ARHGAP26: variants seen among roughly 807,000 people sequenced by gnomAD.
The protein encoded by ARHGAP26 is rho GTPase-activating protein 26.
A neutral mutation model predicts 104.8 loss-of-function variants in ARHGAP26; 38 were observed. The observed-to-expected ratio is 0.36, with a 90% CI of 0.28 to 0.48. ARHGAP26 has a LOEUF of 0.48. Ranked by LOEUF, ARHGAP26 falls within the 20% of genes least tolerant of loss-of-function variation. ARHGAP26 has a pLI of 0.99. For missense variants in ARHGAP26, 704 were observed against 947.9 expected (o/e 0.74, Z 3.38); for synonymous variants, 341 against 340.0 (o/e 1.00, Z -0.03).
intron 1 of ARHGAP26, among the ~76,000 whole-genome samples, chr5:142,848,531 T>C (rs1390786660): frequency 6.6e-6 from 1 of 152,196 alleles, no homozygotes; most frequent in Non-Finnish European, 1.5e-5. Flanking sequence ...ATCAGCTGAG[T>C]GCAGGCGCTC....
chr5:142,838,658 A>G (rs1407501032), intron 1 of ARHGAP26, among the ~76,000 whole-genome samples: 2 of 152,192 alleles, frequency 1.3e-5, no homozygotes, highest in African/African-American at 4.8e-5. Context: ...TGTCCTGTAT[A>G]TAGTGGGGCT....
intron 1 of ARHGAP26, among the ~76,000 whole-genome samples, chr5:142,794,879 T>A (rs1300383152): frequency 6.6e-6 from 1 of 152,220 alleles, no homozygotes; most frequent in African/African-American, 2.4e-5. Context: ...CTTTATGATA[T>A]TTACATTTTG....
At chr5:142,888,100 A>T (rs1757982849) in intron 5 of ARHGAP26, among the ~76,000 whole-genome samples, 1 of 152,242 alleles carries the variant, frequency 6.6e-6, no homozygotes, top group Admixed American at 6.5e-5. Context: ...TGGCCTGGGT[A>T]TGGTGTTAAG....
rs546326593 is a variant in ARHGAP26 at position 143,180,255 on chromosome 5, G to A, written c.1989-26943G>A. On this transcript the variant is annotated intron_variant, in intron 20 of 22. Coordinates refer to ENST00000645722, the MANE Select transcript of ARHGAP26 (RefSeq NM_001135608.3). ...ATTCCCCTGCCTCAGCCTCCCAAGG[G>A]GCTGGGACTACAGGTGCACACCACC... Among the ~76,000 whole-genome samples the A allele has an allele frequency of 3.9e-5, 6 of 152,014 alleles. No homozygotes were observed. In the East Asian group the frequency reaches 1.2e-3, roughly 29 times the overall value.
At chr5:142,928,677 C>G (rs554043383) in intron 10 of ARHGAP26, among the ~76,000 whole-genome samples, 281 of 152,262 alleles carry the variant, frequency 1.8e-3, no homozygotes, top group Non-Finnish European at 3.1e-3. Context: ...CCTCTCTGAG[C>G]CTTGGTTTTC....
In ARHGAP26 at chr5:142,986,881, A is replaced by T. The variant is rs149709838; in HGVS notation, c.1108-27199A>T. Among the ~76,000 whole-genome samples, 1,124 of 152,326 alleles carry T rather than the reference A, an allele frequency of 7.4e-3. 22 individuals are homozygous for T. The highest frequency in any genetic ancestry group is 0.025 in the African/African-American group (1,044 of 41,568). ...TGGTCTGTATCTCTGTTTTGGTACC[A>T]GTACCATGCTGTTTGGTTACTGTAG... is the stretch of plus-strand genomic sequence containing the variant. On this transcript the variant is annotated intron_variant, in intron 11 of 22. Coordinates refer to ENST00000645722, the MANE Select transcript of ARHGAP26 (RefSeq NM_001135608.3).
intron 11 of ARHGAP26, among the ~76,000 whole-genome samples, chr5:142,938,255 CA>C (rs1447103279): frequency 6.6e-6 from 1 of 152,102 alleles, no homozygotes; most frequent in African/African-American, 2.4e-5. Context: ...CTTTAAAAAA[CA>C]ACAAAGTTAG....
chr5:143,127,439 A>G lies in ARHGAP26; in HGVS notation c.1698+6292A>G, dbSNP rs145788293. Among the ~76,000 whole-genome samples the G allele has an allele frequency of 1.8e-3, 281 of 152,310 alleles. 2 individuals are homozygous for G. The highest frequency in any genetic ancestry group is 6.5e-3 in the African/African-American group (271 of 41,574). ...ATAATAATTCCTTCCCTAGTCCATC[A>G]GTTAGCTTTGGAAGAGGTGGGAGTG... On this transcript the variant is annotated intron_variant, in intron 18 of 22. Coordinates refer to ENST00000645722, the MANE Select transcript of ARHGAP26 (RefSeq NM_001135608.3).
chr5:142,907,868 T>C (rs1483794731), intron 9 of ARHGAP26, 64 bp downstream of exon 9: 3 of 1,170,238 alleles, frequency 2.6e-6, no homozygotes, highest in Non-Finnish European at 3.7e-6. Flanking sequence ...TTATAATGCA[T>C]GTATAAAGTA....
intron 14 of ARHGAP26, among the ~76,000 whole-genome samples, chr5:143,052,148 A>C (rs1785130952): frequency 6.6e-6 from 1 of 152,146 alleles, no homozygotes; most frequent in Non-Finnish European, 1.5e-5. Flanking sequence ...AACTCTATGG[A>C]ATTTACTGTT....
At chr5:143,158,582 C>G (rs989851483) in intron 20 of ARHGAP26, among the ~76,000 whole-genome samples, 3 of 152,204 alleles carry the variant, frequency 2.0e-5, no homozygotes, top group Non-Finnish European at 2.9e-5. Context: ...AAAAAATTAT[C>G]TGGAAATGTA....
At chr5:143,085,168 CCT>C (rs913003986) in intron 17 of ARHGAP26, among the ~76,000 whole-genome samples, 6 of 151,860 alleles carry the variant, frequency 4.0e-5, no homozygotes, top group African/African-American at 1.5e-4. Flanking sequence ...TGTTTTTCTT[CCT>C]CTCTGTTAGA....
intron 11 of ARHGAP26, among the ~76,000 whole-genome samples, chr5:143,005,496 C>G (rs1168254748): frequency 1.3e-5 from 2 of 152,210 alleles, no homozygotes; most frequent in African/African-American, 2.4e-5. Flanking sequence ...GGGATCAGCC[C>G]CACCCAAACC....
chr5:142,931,822 C>G (rs1278908427), intron 10 of ARHGAP26, among the ~76,000 whole-genome samples: 1 of 152,206 alleles, frequency 6.6e-6, no homozygotes. Context: ...AGGATCATGT[C>G]TTCTGTGTTT....
intron 10 of ARHGAP26, among the ~76,000 whole-genome samples, chr5:142,923,087 G>GT (rs3839208): frequency 0.24 from 36,220 of 148,862 alleles, 7,956 homozygotes; most frequent in African/African-American, 0.58. Context: ...TTGTCATGGA[G>GT]TTTTTTTTTT....
At chr5:143,022,069 T>G (rs1161958166) in intron 12 of ARHGAP26, among the ~76,000 whole-genome samples, 1 of 117,742 alleles carries the variant, frequency 8.5e-6, no homozygotes, top group East Asian at 2.2e-4. Flanking sequence ...ATCCCCTGAT[T>G]TTATTTTGTT....
chr5:142,845,966 T>C (rs892258279), intron 1 of ARHGAP26, among the ~76,000 whole-genome samples: 2 of 152,166 alleles, frequency 1.3e-5, no homozygotes, highest in African/African-American at 4.8e-5. Context: ...CTCACATGCC[T>C]TTTTTTCCCC....
intron 22 of ARHGAP26, among the ~76,000 whole-genome samples, chr5:143,215,276 AG>A (rs1246832198): frequency 1.3e-5 from 2 of 152,192 alleles, no homozygotes; most frequent in Non-Finnish European, 2.9e-5. Context: ...CTGTCCTCTA[AG>A]TCCCAATTCA....
chr5:143,121,595 A>T (rs554622050), intron 18 of ARHGAP26, among the ~76,000 whole-genome samples: 4 of 152,090 alleles, frequency 2.6e-5, no homozygotes, highest in South Asian at 2.1e-4. Context: ...TGTGTTGCAA[A>T]TATTTTGACC....
Sources: allele counts gnomAD v4.1 joint callset (sites outside exome capture counted in the v4.1 genomes callset), GRCh38; gene constraint gnomAD v4.1.1; transcripts MANE v1.5; gene names NCBI Gene and HGNC (gene_info 2026-07-23, HGNC 2026-07-21).